The following AGBL4 variants were observed in gnomAD, a reference collection of about 807,000 sequenced individuals.
AGBL4 encodes cytosolic carboxypeptidase 6.
AGBL4 carries 58 observed loss-of-function variants against 66.4 expected under a neutral mutation model. The ratio of observed to expected loss-of-function variants is 0.87; its 90% CI spans 0.71 to 1.09. AGBL4 has a LOEUF of 1.09. Ranked by LOEUF, AGBL4 falls within the 50% of genes least tolerant of loss-of-function variation. The pLI is 0.00. For missense variants in AGBL4, 579 were observed against 631.0 expected (o/e 0.92, Z 0.88); for synonymous variants, 234 against 222.9 (o/e 1.05, Z -0.44).
At chr1:48,793,862 C>T (rs1431675610) in intron 6 of AGBL4, among the ~76,000 whole-genome samples, 1 of 152,138 alleles carries the variant, frequency 6.6e-6, no homozygotes, top group African/African-American at 2.4e-5. Flanking sequence ...TATGCCTGGC[C>T]ATGCTGATTC....
intron 6 of AGBL4, 111 bp from the exon 7 acceptor site, chr1:48,663,352 C>G: frequency 1.1e-6 from 1 of 928,000 alleles, no homozygotes; most frequent in Non-Finnish European, 1.8e-6. Context: ...TTTACATTTA[C>G]CTCTTAAACC....
chr1:49,047,528 T>A (rs1644109625), intron 4 of AGBL4, among the ~76,000 whole-genome samples: 2 of 152,128 alleles, frequency 1.3e-5, no homozygotes, highest in Non-Finnish European at 2.9e-5. Flanking sequence ...TTCTTCTAAC[T>A]AGATTGCTAC....
chr1:49,127,369 C>T (rs1312479721), intron 4 of AGBL4, among the ~76,000 whole-genome samples: 4 of 152,078 alleles, frequency 2.6e-5, no homozygotes, highest in Non-Finnish European at 5.9e-5. Context: ...ACCAAAATCT[C>T]ACAAATCACC....
chr1:48,777,209 A>T (rs1386380082), intron 6 of AGBL4, among the ~76,000 whole-genome samples: 1 of 152,166 alleles, frequency 6.6e-6, no homozygotes, highest in East Asian at 1.9e-4. Flanking sequence ...CAGGAAAAAA[A>T]TGCATTGATT....
At chr1:49,855,826 T>G (rs1557516934) in intron 1 of AGBL4, among the ~76,000 whole-genome samples, 1 of 152,044 alleles carries the variant, frequency 6.6e-6, no homozygotes, top group Non-Finnish European at 1.5e-5. Flanking sequence ...AATGTAATGC[T>G]GCACATCAAG....
intron 2 of AGBL4, among the ~76,000 whole-genome samples, chr1:49,698,028 GAACT>G (rs1230998633): frequency 3.9e-5 from 6 of 152,060 alleles, no homozygotes; most frequent in African/African-American, 1.4e-4. Flanking sequence ...TCCAACAACA[GAACT>G]AACAGTTATA....
At chr1:48,703,640 C>A (rs1461033238) in intron 6 of AGBL4, among the ~76,000 whole-genome samples, 1 of 151,992 alleles carries the variant, frequency 6.6e-6, no homozygotes, top group Admixed American at 6.6e-5. Flanking sequence ...ACCAAAAAGA[C>A]ATAGTTAGCT....
At chr1:49,903,271 T>A (rs1649949855) in intron 1 of AGBL4, among the ~76,000 whole-genome samples, 4 of 152,172 alleles carry the variant, frequency 2.6e-5, no homozygotes, top group Admixed American at 2.6e-4. Flanking sequence ...AAATACTGCA[T>A]GTTCTCGCTT....
intron 5 of AGBL4, among the ~76,000 whole-genome samples, chr1:48,999,459 G>A (rs190114888): frequency 9.2e-5 from 14 of 152,084 alleles, no homozygotes; most frequent in African/African-American, 1.4e-4. Flanking sequence ...TACATTATTC[G>A]TCAAGAGAAC....
intron 3 of AGBL4, among the ~76,000 whole-genome samples, chr1:49,268,425 C>T (rs1570285477): frequency 6.7e-6 from 1 of 148,272 alleles, no homozygotes; most frequent in Non-Finnish European, 1.5e-5. Flanking sequence ...CACACACACA[C>T]ACACACACAC....
In AGBL4 at chr1:48,774,634, C is replaced by G. The variant is rs148088019; in HGVS notation, c.634+92557G>C. 1.9e-3 allele frequency among the ~76,000 whole-genome samples: 295 copies of G among 152,322 alleles called. 2 individuals are homozygous for G. The highest frequency in any genetic ancestry group is 6.9e-3 in the African/African-American group (285 of 41,574). On this transcript the variant is annotated intron_variant, in intron 6 of 13. Transcript: ENST00000371839. ...CCATACAGATTTATCAACATTCTAACTTGGAGGATGAACAGTCTACAGGTT... is the reference window on the plus strand; with the variant it reads ...CCATACAGATTTATCAACATTCTAAGTTGGAGGATGAACAGTCTACAGGTT...
At chr1:49,819,095 A>G (rs1481178840) in intron 2 of AGBL4, among the ~76,000 whole-genome samples, 1 of 152,150 alleles carries the variant, frequency 6.6e-6, no homozygotes, top group Non-Finnish European at 1.5e-5. Context: ...TAAAGTATAT[A>G]ATGTTTCCTG....
At chr1:49,120,003 C>A (rs777592200) in intron 4 of AGBL4, among the ~76,000 whole-genome samples, 1 of 152,132 alleles carries the variant, frequency 6.6e-6, no homozygotes, top group Non-Finnish European at 1.5e-5. Context: ...GATTGCAACA[C>A]CTGCTTTTTT....
At chr1:49,289,835 A>G (rs1269573408) in intron 3 of AGBL4, among the ~76,000 whole-genome samples, 7 of 152,280 alleles carry the variant, frequency 4.6e-5, no homozygotes, top group African/African-American at 1.7e-4. Flanking sequence ...AAGTAGAAGG[A>G]AGAACACAGT....
intron 1 of AGBL4, among the ~76,000 whole-genome samples, chr1:49,948,208 A>G (rs1489131423): frequency 1.5e-5 from 1 of 65,020 alleles, no homozygotes; most frequent in Non-Finnish European, 2.9e-5. Flanking sequence ...AAATATAAAT[A>G]TATAAATATA....
intron 4 of AGBL4, among the ~76,000 whole-genome samples, chr1:49,194,185 T>A (rs1434806279): frequency 6.6e-6 from 1 of 152,218 alleles, no homozygotes; most frequent in Non-Finnish European, 1.5e-5. Context: ...TTTATGAATC[T>A]GGGTGCTCCT....
intron 11 of AGBL4, among the ~76,000 whole-genome samples, chr1:48,549,037 A>G (rs1487332507): frequency 6.6e-6 from 1 of 152,208 alleles, no homozygotes; most frequent in East Asian, 1.9e-4. Context: ...TCCAAATAAG[A>G]AAATTGAATT....
At position 49,129,450 on chromosome 1, in the gene AGBL4, C is replaced by T. The variant is rs535006934; in HGVS notation, c.378-83650G>A. On this transcript the variant is annotated intron_variant, in intron 4 of 13. Coordinates refer to ENST00000371839, the MANE Select transcript of AGBL4 (RefSeq NM_032785.4). ...TTAGCATTAGGTATATCTCCTAATG[C>T]TATCCCTCCCACCTCCCCCAACCCC... 1.8e-4 allele frequency among the ~76,000 whole-genome samples: 28 copies of T among 151,880 alleles called. No individual in the cohort carries two copies. In the East Asian group the frequency reaches 5.3e-3, roughly 29 times the overall value.
In AGBL4 at chr1:48,673,265, G is replaced by A. The variant is rs138619128; in HGVS notation, c.635-10024C>T. Among the ~76,000 whole-genome samples, 723 of 152,200 alleles carry A rather than the reference G, an allele frequency of 4.8e-3. 14 individuals carry two copies. The highest frequency in any genetic ancestry group is 2.7e-3 in the Non-Finnish European group (186 of 68,010). On this transcript the variant is annotated intron_variant, in intron 6 of 13. Transcript: ENST00000371839. ...TCAAGTTAAATGGTTTGTAGCCTTGGAAGGACATTATTAATACAATTTCCC... is the reference window on the plus strand; with the variant it reads ...TCAAGTTAAATGGTTTGTAGCCTTGAAAGGACATTATTAATACAATTTCCC...
Sources: gnomAD v4.1 joint callset for allele counts (sites outside exome capture counted in the v4.1 genomes callset) on GRCh38, gnomAD v4.1.1 for gene constraint, MANE v1.5 for transcripts, NCBI Gene and HGNC (gene_info 2026-07-23, HGNC 2026-07-21) for gene names.